Variants in SETD1B observed in about 807,000 individuals in gnomAD.
SETD1B encodes the protein histone-lysine N-methyltransferase SETD1B.
A neutral mutation model predicts 148.0 loss-of-function variants in SETD1B; 7 were observed. That is an observed-to-expected ratio of 0.05 (90% CI 0.03 to 0.09). SETD1B has a LOEUF of 0.09. SETD1B is among the 10% of genes least tolerant of loss of function. SETD1B has a pLI of 1.00. For synonymous variants in SETD1B, 1,361 were observed against 1,186.5 expected (o/e 1.15, Z -3.02); for missense variants, 2,155 against 2,729.9 (o/e 0.79, Z 4.69).
rs1225372344 is a variant in SETD1B, at chr12:121,831,894, TTG to T, written c.*1657_*1658del. Reference sequence around the variant, plus strand: ...TGGTGGTTTTGTTGTGTGTTTTTTGTTGTTTTTTTTTTATTCCTTTCCCCCAG... The same window carrying T: ...TGGTGGTTTTGTTGTGTGTTTTTTGTTTTTTTTTTTATTCCTTTCCCCCAG... On this transcript the variant is annotated 3_prime_UTR_variant, in exon 17 of 17. Coordinates refer to ENST00000604567, the MANE Select transcript of SETD1B (RefSeq NM_001353345.2). The T allele has an allele frequency of 8.6e-6, 1 of 116,942 alleles. No homozygotes were observed. Among genetic ancestry groups the T allele is most frequent in the Admixed American group, 9.0e-5 (1 of 11,068 alleles). The allele number at this position is 116,942 out of a possible 1,614,324, so 7.2% of individuals were successfully genotyped here.
chr12:121,818,618 C>A (rs567625298), intron 10 of SETD1B, among the ~76,000 whole-genome samples: 1 of 151,914 alleles, frequency 6.6e-6, no homozygotes, highest in East Asian at 1.9e-4. Context: ...TGGCTGGGCG[C>A]AGTGGCTCAC....
chr12:121,825,415 G>A (rs1173388884), intron 13 of SETD1B, 49 bp downstream of exon 13: 19 of 1,510,970 alleles, frequency 1.3e-5, no homozygotes, highest in South Asian at 3.6e-5. Flanking sequence ...GCTGGGCCAC[G>A]GGGATCCAGG....
At chr12:121,802,348 G>A (rs1187893131), upstream of SETD1B, 3 of 152,164 alleles carry the variant, frequency 2.0e-5, no homozygotes, top group Admixed American at 6.5e-5. Context: ...AATGGATTGG[G>A]TACTTACAAT....
chr12:121,825,640 T>C (rs1343582388), intron 13 of SETD1B, among the ~76,000 whole-genome samples: 1 of 151,814 alleles, frequency 6.6e-6, no homozygotes, highest in African/African-American at 2.4e-5. Flanking sequence ...TTTTGTTTTT[T>C]GCTTGGGTTT....
chr12:121,794,665 C>G, the SETD1B span, among the ~76,000 whole-genome samples: 1 of 152,160 alleles, frequency 6.6e-6, no homozygotes, highest in Non-Finnish European at 1.5e-5. Context: ...GTAGGCAGTG[C>G]TATCAGGGCT....
Position 121,817,377 on chromosome 12 carries a change from G to C in SETD1B, c.2985G>C (p.Glu995Asp), listed in dbSNP as rs1173361841. 2 of 1,526,122 alleles carry C rather than the reference G, an allele frequency of 1.3e-6. No homozygotes were observed. The highest frequency in any genetic ancestry group is 1.8e-6 in the Non-Finnish European group (2 of 1,131,526). The allele number at this position is 1,526,122 out of a possible 1,614,324, so 94.5% of individuals were successfully genotyped here. Residue 995 changes from glutamate (E) to aspartate (D), a missense_variant, in exon 9 of 17, where the codon GAG (glutamate) becomes GAC (aspartate). This residue lies in a region of SETD1B where 289 missense variants were observed against 423.7 expected (regional missense o/e 0.68). Coordinates refer to ENST00000604567, the MANE Select transcript of SETD1B (RefSeq NM_001353345.2). This position sits in a 1 kb window ranked among gnomAD's most constrained non-coding sequence, Gnocchi z 8.1. ...CTCCCTCCCTTCCTGCAGAGTCCGA[G>C]CGAGAGCGAGACCGGGATATGGCAG... Reference protein sequence around the residue: ...TSVDEEDEESERERDRDMADT... With the variant: ...TSVDEEDEESDRERDRDMADT...
chr12:121,802,522 G>A (rs1875435499), upstream of SETD1B: 2 of 152,148 alleles, frequency 1.3e-5, no homozygotes, highest in Non-Finnish European at 1.5e-5. Flanking sequence ...GAGGAAACTA[G>A]ATATATTTAA....
chr12:121,812,226 T>C (rs1876068806), intron 6 of SETD1B, among the ~76,000 whole-genome samples: 9 of 151,994 alleles, frequency 5.9e-5, no homozygotes, highest in Admixed American at 5.9e-4. Context: ...CGTCCCATCC[T>C]AGGTGGGGGA....
In SETD1B at chr12:121,810,899, C is replaced by T. The variant is rs1256442058; in HGVS notation, c.1890+64C>T. On this transcript the variant is annotated intron_variant, in intron 6 of 16. Transcript: ENST00000604567. The surrounding 1 kb of genome is among the most constrained non-coding windows in gnomAD (Gnocchi z 7.6). ...GTCTATCTTGTATCTCCCTTTCCCCCTTCAAGCATTTAGCATGACTAGCTA... is the reference window on the plus strand; with the variant it reads ...GTCTATCTTGTATCTCCCTTTCCCCTTTCAAGCATTTAGCATGACTAGCTA... The T allele has an allele frequency of 1.1e-5, 16 of 1,438,038 alleles. No individual in the cohort carries two copies. Among genetic ancestry groups the T allele is most frequent in the Admixed American group, 2.9e-5 (1 of 34,388 alleles). 89.1% of individuals were successfully genotyped at this position (1,438,038 alleles called of 1,614,324 possible).
chr12:121,809,495 TA>T, intron 5 of SETD1B, 107 bp from the exon 6 acceptor site: 1 of 1,202,252 alleles, frequency 8.3e-7, no homozygotes, highest in Non-Finnish European at 1.1e-6. Flanking sequence ...GCTGCAGTTC[TA>T]GAGCAGTTTG....
the SETD1B span, among the ~76,000 whole-genome samples, chr12:121,790,242 C>T: frequency 2.0e-5 from 3 of 152,278 alleles, no homozygotes; most frequent in African/African-American, 7.2e-5. Flanking sequence ...GAAATTCAGC[C>T]TCTGAGAGCC....
Position 121,810,751 on chromosome 12 carries a change from C to A in SETD1B, c.1806C>A (p.Asp602Glu). The change falls in exon 6 of 17, where the codon GAC becomes GAA. Residue 602 changes from aspartate (D) to glutamate (E), a missense_variant. Asp to Glu is a conservative substitution (Grantham distance 45). Transcript: ENST00000604567. The surrounding 1 kb of genome is among the most constrained non-coding windows in gnomAD (Gnocchi z 7.6). ...CTCCACCTGAGCCAGGCCCCCCGGACCCTGCTGGGCTTCTGAGCCAGACAG... is the reference window on the plus strand; with the variant it reads ...CTCCACCTGAGCCAGGCCCCCCGGAACCTGCTGGGCTTCTGAGCCAGACAG... ...PRPPPEPGPP[D>E]PAGLLSQTAE... 6.5e-7 allele frequency: 1 copy of A among 1,550,278 alleles called. No individual in the cohort carries two copies. The highest frequency in any genetic ancestry group is 8.7e-7 in the Non-Finnish European group (1 of 1,146,136).
chr12:121,805,305 C>T lies in SETD1B; in HGVS notation c.273+89C>T. 2 of 1,136,766 alleles carry T rather than the reference C, an allele frequency of 1.8e-6. No homozygotes were observed. Among genetic ancestry groups the T allele is most frequent in the Non-Finnish European group, 2.5e-6 (2 of 791,190 alleles). 70.4% of individuals were successfully genotyped at this position (1,136,766 alleles called of 1,614,324 possible). ...AGTCCTGACCGAGCCCAGCCGGATT[C>T]CCAGTTCCCGCCGTCCGGGGCCAGG... is the stretch of plus-strand genomic sequence containing the variant. On this transcript the variant is annotated intron_variant, in intron 3 of 16. Coordinates refer to ENST00000604567, the MANE Select transcript of SETD1B (RefSeq NM_001353345.2). The surrounding 1 kb of genome is among the most constrained non-coding windows in gnomAD (Gnocchi z 4.2).
At chr12:121,815,541 G>A (rs566898640) in intron 7 of SETD1B, among the ~76,000 whole-genome samples, 6 of 151,948 alleles carry the variant, frequency 3.9e-5, no homozygotes, top group Admixed American at 6.6e-5. Context: ...ACAGGGTCTC[G>A]CTGTATCGTC....
chr12:121,825,337 A>G lies in SETD1B; in HGVS notation c.5308A>G (p.Ser1770Gly), dbSNP rs1404287072. Residue 1770 changes from serine (S) to glycine (G), a missense_variant, in exon 13 of 17, where the codon AGC (serine) becomes GGC (glycine). Physicochemically the swap from Ser to Gly is moderately conservative, Grantham distance 56. This residue lies in a region of SETD1B where 96 missense variants were observed against 148.7 expected (regional missense o/e 0.65). Transcript: ENST00000604567. Reference protein sequence around the residue: ...KLRYLNSSRASTDEPPADTQG... With the variant: ...KLRYLNSSRAGTDEPPADTQG... ...CAGATACCTCAACAGCAGCCGTGCC[A>G]GCACCGATGAGCCCCCCGCAGACAC... is the stretch of plus-strand genomic sequence containing the variant. 1.3e-6 allele frequency: 2 copies of G among 1,550,982 alleles called. No individual in the cohort carries two copies. The highest frequency in any genetic ancestry group is 2.4e-5 in the East Asian group (1 of 40,936).
chr12:121,799,537 G>A (rs901342727), upstream of SETD1B: 2 of 152,240 alleles, frequency 1.3e-5, no homozygotes, highest in Non-Finnish European at 2.9e-5. Flanking sequence ...AGAAGTAGGC[G>A]GCACCCAGGG....
intron 5 of SETD1B, 122 bp from the exon 6 acceptor site, chr12:121,809,481 T>C: frequency 9.2e-7 from 1 of 1,086,390 alleles, no homozygotes; most frequent in Non-Finnish European, 1.3e-6. Flanking sequence ...CTTCCATTCC[T>C]TATGCTGCAG....
intron 7 of SETD1B, 50 bp from the exon 8 acceptor site, chr12:121,816,983 G>A: frequency 6.9e-7 from 1 of 1,447,234 alleles, no homozygotes; most frequent in Non-Finnish European, 9.1e-7. Flanking sequence ...CTCCCTGCAA[G>A]GGTTGGTGGT....
the SETD1B span, among the ~76,000 whole-genome samples, chr12:121,794,896 T>C: frequency 2.0e-5 from 3 of 152,022 alleles, no homozygotes; most frequent in East Asian, 5.8e-4. Context: ...AGCAGCATGG[T>C]TGGGGGCAAG....
Sources: gnomAD v4.1 joint callset for allele counts (sites outside exome capture counted in the v4.1 genomes callset) on GRCh38, gnomAD v4.1.1 for gene constraint, gnomAD v4.1.1 regional missense constraint, Gnocchi (gnomAD v3.1) non-coding constraint, MANE v1.5 for transcripts, NCBI Gene and HGNC (gene_info 2026-07-23, HGNC 2026-07-21) for gene names.